The following SARM1 variants were observed in gnomAD, a reference collection of about 807,000 sequenced individuals.
SARM1 encodes the protein sterile alpha and TIR motif containing 1.
Under a neutral mutation model 65.1 loss-of-function variants are expected in SARM1, and 60 were observed. The ratio of observed to expected loss-of-function variants is 0.92; its 90% CI spans 0.75 to 1.14. SARM1 has a LOEUF of 1.14. Among genes scored for constraint, SARM1 ranks in the 50% most tolerant of loss-of-function variants. The pLI, the probability that SARM1 is intolerant of heterozygous loss-of-function variation, is 0.00. For missense variants in SARM1, 913 were observed against 1,015.7 expected (o/e 0.90, Z 1.37); for synonymous variants, 417 against 465.4 (o/e 0.90, Z 1.34).
Position 28,372,236 on chromosome 17 carries a change from G to A in SARM1, c.204G>A (p.Ala68=). 7.2e-7 allele frequency: 1 copy of A among 1,383,548 alleles called. No homozygotes were observed. Among genetic ancestry groups the A allele is most frequent in the Non-Finnish European group, 9.3e-7 (1 of 1,078,808 alleles). 85.7% of individuals were successfully genotyped at this position (1,383,548 alleles called of 1,614,324 possible). ...AGGTGCAGGACGCCCTGGAGCGCGC[G>A]CTGCCGGAGCTGCAGCAGGCCTTGT... is the stretch of plus-strand genomic sequence containing the variant. ...GTEVQDALER[A]LPELQQALSA... The change falls in exon 1 of 9, where the codon GCG becomes GCA. Residue 68 remains alanine, a synonymous_variant. Coordinates refer to ENST00000585482, the MANE Select transcript of SARM1 (RefSeq NM_015077.4). This position sits in a 1 kb window ranked among gnomAD's most constrained non-coding sequence, Gnocchi z 5.2.
chr17:28,396,106 G>A (rs1265452171), intron 8 of SARM1, 51 bp from the exon 9 acceptor site: 1 of 1,613,572 alleles, frequency 6.2e-7, no homozygotes, highest in Non-Finnish European at 8.5e-7. Flanking sequence ...CAGCTGACTA[G>A]CAGCTCCCTC....
Position 28,385,092 on chromosome 17 carries a change from G to T in SARM1, c.1447G>T (p.Asp483Tyr). 1 of 1,613,874 alleles carries T rather than the reference G, an allele frequency of 6.2e-7. No individual in the cohort carries two copies. The highest frequency in any genetic ancestry group is 1.1e-5 in the South Asian group (1 of 91,020). Residue 483 changes from aspartate (D) to tyrosine (Y), a missense_variant, in exon 5 of 9, where the codon GAC becomes TAC. By Grantham distance (160) the Asp-to-Tyr change is radical. Around this residue, in one of 3 missense-constraint regions of SARM1, gnomAD observed 862 missense variants for 952.1 expected, o/e 0.91. Transcript: ENST00000585482. This position sits in a 1 kb window ranked among gnomAD's most constrained non-coding sequence, Gnocchi z 4.5. ...GACCTTCGCCAACTATTCTACGTGC[G>T]ACCGCAGCAACCTGGCGGACTGGCT... ...LKTFANYSTC[D>Y]RSNLADWLGS...
At chr17:28,391,408 C>T (rs1395697906) in intron 7 of SARM1, among the ~76,000 whole-genome samples, 8 of 152,086 alleles carry the variant, frequency 5.3e-5, no homozygotes, top group African/African-American at 9.7e-5. Context: ...GATGCCAGGG[C>T]GGTGGGTCTT....
rs1261303580 is a variant in SARM1, at chr17:28,402,235, C to G, written c.*5949C>G. On this transcript the variant is annotated 3_prime_UTR_variant, in exon 9 of 9. Transcript: ENST00000585482. ...CCAGACACAGGTGGGTTCTGACACT[C>G]ACCCTGCTCTGTCTCTCTCACCAGC... 12 of 1,611,958 alleles carry G rather than the reference C, an allele frequency of 7.4e-6. No homozygotes were observed. The highest frequency in any genetic ancestry group is 3.3e-5 in the Admixed American group (2 of 59,770).
rs1324167325 is a variant in SARM1 at position 28,385,884 on chromosome 17, C to G, written c.1630+609C>G. Among the ~76,000 whole-genome samples the G allele has an allele frequency of 6.6e-6, 1 of 152,144 alleles. No individual in the cohort carries two copies. Among genetic ancestry groups the G allele is most frequent in the Admixed American group, 6.5e-5 (1 of 15,278 alleles). On this transcript the variant is annotated intron_variant, in intron 5 of 8. Transcript: ENST00000585482. The surrounding 1 kb of genome is among the most constrained non-coding windows in gnomAD (Gnocchi z 4.5). ...TCTTTATTGTCAATTACAAGGTACT[C>G]TGTTTGGTTTTTAAGATATTATCCC... is the stretch of plus-strand genomic sequence containing the variant.
rs368957811 is a variant in SARM1 at position 28,388,289 on chromosome 17, G to C, written c.1733+13G>C. 1 of 1,567,464 alleles carries C rather than the reference G, an allele frequency of 6.4e-7. No individual in the cohort carries two copies. Among genetic ancestry groups the C allele is most frequent in the South Asian group, 1.2e-5 (1 of 86,128 alleles). On this transcript the variant is annotated intron_variant, in intron 6 of 8. Coordinates refer to ENST00000585482, the MANE Select transcript of SARM1 (RefSeq NM_015077.4). The stretch of plus-strand genomic sequence containing the variant: ...CCCAGCTGGCCAGGTGAGGAGGGGC[G>C]GGCGGGCAGCGACGGGGCGTGGGGA...
rs782203639 is a variant in SARM1 at position 28,381,555 on chromosome 17, G to A, written c.823G>A (p.Ala275Thr). ...LLRLHACLAV[A>T]VLATNKEVER... The stretch of plus-strand genomic sequence containing the variant: ...TCGGCTGCACGCCTGCCTCGCAGTA[G>A]CGGTGTTGGCGACTAACAAGGAGGT... The change falls in exon 2 of 9, where the codon GCG (alanine) becomes ACG (threonine). Residue 275 changes from alanine to threonine, a missense_variant. Around this residue, in one of 3 missense-constraint regions of SARM1, gnomAD observed 862 missense variants for 952.1 expected, o/e 0.91. Transcript: ENST00000585482. 6.3e-7 allele frequency: 1 copy of A among 1,589,728 alleles called. No homozygotes were observed. The highest frequency in any genetic ancestry group is 1.1e-5 in the South Asian group (1 of 87,164).
chr17:28,380,427 A>G (rs1182838298), intron 1 of SARM1, among the ~76,000 whole-genome samples: 6 of 152,190 alleles, frequency 3.9e-5, no homozygotes, highest in Admixed American at 3.9e-4. Flanking sequence ...TCCTCCAGGC[A>G]CACGCCATTA....
At chr17:28,374,793 A>G (rs1350560731) in intron 1 of SARM1, among the ~76,000 whole-genome samples, 1 of 151,838 alleles carries the variant, frequency 6.6e-6, no homozygotes, top group Non-Finnish European at 1.5e-5. Flanking sequence ...CCTGGGCAAC[A>G]TGGCAAAAAC....
chr17:28,390,490 A>G lies in SARM1; in HGVS notation c.1923+1951A>G, dbSNP rs537440105. ...GACAAACTTGTGGAGCAATTTCAAG[A>G]TATGGCAGGGAAATATATTTGGGGT... On this transcript the variant is annotated intron_variant, in intron 7 of 8. Coordinates refer to ENST00000585482, the MANE Select transcript of SARM1 (RefSeq NM_015077.4). Among the ~76,000 whole-genome samples, 185 of 152,246 alleles carry G rather than the reference A, an allele frequency of 1.2e-3. 1 individual carries two copies. The highest frequency in any genetic ancestry group is 5.3e-3 in the Admixed American group (81 of 15,290).
chr17:28,385,175 G>A lies in SARM1; in HGVS notation c.1530G>A (p.Leu510=). The change falls in exon 5 of 9, where the codon CTG becomes CTA. Residue 510 remains leucine, a synonymous_variant. Coordinates refer to ENST00000585482, the MANE Select transcript of SARM1 (RefSeq NM_015077.4). The surrounding 1 kb of genome is among the most constrained non-coding windows in gnomAD (Gnocchi z 4.5). ...QYTYGLVSCG[L]DRSLLHRVSE... ...CCTACGGCCTGGTCAGCTGCGGCCT[G>A]GACCGCTCCCTGCTGCACCGCGTGT... The A allele has an allele frequency of 6.2e-7, 1 of 1,610,862 alleles. No homozygotes were observed. Among genetic ancestry groups the A allele is most frequent in the South Asian group, 1.1e-5 (1 of 90,692 alleles).
intron 2 of SARM1, among the ~76,000 whole-genome samples, chr17:28,383,618 C>G (rs151218405): frequency 2.6e-4 from 40 of 152,314 alleles, no homozygotes; most frequent in African/African-American, 8.7e-4. Context: ...CCTTTCCCAT[C>G]GAGGCCAAGT....
chr17:28,381,325 C>T lies in SARM1; in HGVS notation c.593C>T (p.Thr198Ile), dbSNP rs1202333892. Residue 198 changes from threonine to isoleucine, a missense_variant, in exon 2 of 9, where the codon ACA (threonine) becomes ATA (isoleucine). This residue lies in a region of SARM1 where 862 missense variants were observed against 952.1 expected (regional missense o/e 0.91). Coordinates refer to ENST00000585482, the MANE Select transcript of SARM1 (RefSeq NM_015077.4). ...LEHMFKHSEE[T>I]CQRLVAAGGL... ...CACATGTTCAAGCATTCGGAGGAGACATGCCAGAGGCTGGTGGCGGCCGGC... is the reference window on the plus strand; with the variant it reads ...CACATGTTCAAGCATTCGGAGGAGATATGCCAGAGGCTGGTGGCGGCCGGC... 1.5e-5 allele frequency: 24 copies of T among 1,600,004 alleles called. No homozygotes were observed. Among genetic ancestry groups the T allele is most frequent in the Non-Finnish European group, 2.0e-5 (23 of 1,174,212 alleles).
chr17:28,384,691 G>T lies in SARM1; in HGVS notation c.1302+122G>T, dbSNP rs1025392174. Reference sequence around the variant, plus strand: ...GGTCGCTTTTGGGGGCGGGGAGCCTGTACGCAGCCACCGTTAGGGTCACTC... The same window carrying T: ...GGTCGCTTTTGGGGGCGGGGAGCCTTTACGCAGCCACCGTTAGGGTCACTC... On this transcript the variant is annotated intron_variant, in intron 3 of 8. Transcript: ENST00000585482. This position sits in a 1 kb window ranked among gnomAD's most constrained non-coding sequence, Gnocchi z 4.4. 1.6e-6 allele frequency: 2 copies of T among 1,233,106 alleles called. No individual in the cohort carries two copies. Among genetic ancestry groups the T allele is most frequent in the East Asian group, 2.6e-5 (1 of 39,144 alleles). The allele number at this position is 1,233,106 out of a possible 1,614,324, so 76.4% of individuals were successfully genotyped here.
In SARM1 at chr17:28,384,879, A is replaced by C. The variant is rs1555585741; in HGVS notation, c.1343A>C (p.Glu448Ala). The change falls in exon 4 of 9, where the codon GAG (glutamate) becomes GCG (alanine). Residue 448 changes from glutamate to alanine, a missense_variant. Physicochemically the swap from Glu to Ala is moderately radical, Grantham distance 107 (BLOSUM62 -1). Transcript: ENST00000585482. The surrounding 1 kb of genome is among the most constrained non-coding windows in gnomAD (Gnocchi z 4.4). The part of the protein sequence containing the change: ...VDGDLLLRLT[E>A]EELQTDLGMK... The stretch of plus-strand genomic sequence containing the variant: ...GGCGACCTGCTTCTGCGGCTCACGG[A>C]GGAGGAACTCCAGACCGACCTGGGC... 1 of 1,559,368 alleles carries C rather than the reference A, an allele frequency of 6.4e-7. No individual in the cohort carries two copies. Among genetic ancestry groups the C allele is most frequent in the South Asian group, 1.2e-5 (1 of 84,570 alleles).
In SARM1 at chr17:28,385,428, A is replaced by C. The variant is rs1287687597; in HGVS notation, c.1630+153A>C. ...ACTGGGCTCTGAGGATGTAAAGATG[A>C]ATACGTTGCACTTTACCTCAAGAAG... On this transcript the variant is annotated intron_variant, in intron 5 of 8. Coordinates refer to ENST00000585482, the MANE Select transcript of SARM1 (RefSeq NM_015077.4). This position sits in a 1 kb window ranked among gnomAD's most constrained non-coding sequence, Gnocchi z 4.5. 6 of 630,216 alleles carry C rather than the reference A, an allele frequency of 9.5e-6. No homozygotes were observed. The highest frequency in any genetic ancestry group is 1.6e-5 in the Non-Finnish European group (6 of 370,396). 39.0% of individuals were successfully genotyped at this position (630,216 alleles called of 1,614,324 possible).
At position 28,396,471 on chromosome 17, in the gene SARM1, G is replaced by T. The variant is rs1292912934; in HGVS notation, c.*185G>T. On this transcript the variant is annotated 3_prime_UTR_variant, in exon 9 of 9. Transcript: ENST00000585482. ...ACCCACTTTCCTCAGTATCTGGAGA[G>T]GGAAGGGAAGTCAGGCTTGGGCACG... is the stretch of plus-strand genomic sequence containing the variant. The T allele has an allele frequency of 3.0e-5, 21 of 688,640 alleles. No individual in the cohort carries two copies. The highest frequency in any genetic ancestry group is 4.5e-5 in the Non-Finnish European group (19 of 417,952). The allele number at this position is 688,640 out of a possible 1,614,324, so 42.7% of individuals were successfully genotyped here.
Position 28,400,917 on chromosome 17 carries a change from CAA to C in SARM1, c.*4632_*4633del. On this transcript the variant is annotated 3_prime_UTR_variant, in exon 9 of 9. Coordinates refer to ENST00000585482, the MANE Select transcript of SARM1 (RefSeq NM_015077.4). ...AATCCTGCTACATCATGTACTGTGACAAGGATTCAGTAAGGTCATATGTGGAC... is the reference window on the plus strand; with the variant it reads ...AATCCTGCTACATCATGTACTGTGACGGATTCAGTAAGGTCATATGTGGAC... 1.4e-6 allele frequency: 1 copy of C among 734,606 alleles called. No individual in the cohort carries two copies. The highest frequency in any genetic ancestry group is 2.7e-5 in the East Asian group (1 of 36,904). The allele number at this position is 734,606 out of a possible 1,614,324, so 45.5% of individuals were successfully genotyped here.
chr17:28,394,362 G>A (rs1320222036), intron 7 of SARM1, among the ~76,000 whole-genome samples: 2 of 152,218 alleles, frequency 1.3e-5, no homozygotes, highest in Admixed American at 1.3e-4. Context: ...TAAGTAAGGA[G>A]TACAATTGGC....
Sources: allele counts gnomAD v4.1 joint callset (sites outside exome capture counted in the v4.1 genomes callset), GRCh38; gene constraint gnomAD v4.1.1; regional missense constraint gnomAD v4.1.1; non-coding constraint Gnocchi (gnomAD v3.1); transcripts MANE v1.5; gene names NCBI Gene and HGNC (gene_info 2026-07-23, HGNC 2026-07-21).